The following NAXD variants were observed in gnomAD, a reference collection of about 807,000 sequenced individuals.
NAXD encodes the protein NAD(P)HX dehydratase.
A neutral mutation model predicts 35.8 loss-of-function variants in NAXD; 22 were observed. That is an observed-to-expected ratio of 0.62 (90% CI 0.44 to 0.88). The LOEUF is 0.88. Among genes scored for constraint, NAXD ranks in the 40% least tolerant of loss-of-function variants. The pLI, the probability that NAXD is intolerant of heterozygous loss-of-function variation, is 0.00. For missense variants in NAXD, 428 were observed against 437.7 expected (o/e 0.98, Z 0.20); for synonymous variants, 189 against 177.6 (o/e 1.06, Z -0.51).
chr13:110,622,492 C>T, intron 2 of NAXD, 126 bp downstream of exon 2: 1 of 914,484 alleles, frequency 1.1e-6, no homozygotes, highest in Non-Finnish European at 1.6e-6. Flanking sequence ...TGATAGGACA[C>T]TCAGTATTTT....
chr13:110,627,617 T>G, intron 5 of NAXD, 70 bp downstream of exon 5: 1 of 1,052,842 alleles, frequency 9.5e-7, no homozygotes, highest in Non-Finnish European at 1.5e-6. Flanking sequence ...AACAGAGGCA[T>G]TTCTCTTGCA....
rs758352247 is a variant in NAXD at position 110,638,596 on chromosome 13, G to A, written c.*68G>A. ...GAGCGTGTGTGTGATGGGAAAATCC[G>A]GACCCACGCGTGTGCTGAAGGCGTA... is the stretch of plus-strand genomic sequence containing the variant. On this transcript the variant is annotated 3_prime_UTR_variant, in exon 10 of 10. Transcript: ENST00000680254. This position sits in a 1 kb window ranked among gnomAD's most constrained non-coding sequence, Gnocchi z 5.4. 3.2e-4 allele frequency: 509 copies of A among 1,567,896 alleles called. 3 individuals carry two copies. The highest frequency in any genetic ancestry group is 1.4e-3 in the South Asian group (123 of 90,102).
At chr13:110,634,997 C>T (rs72661656) in intron 7 of NAXD, among the ~76,000 whole-genome samples, 21,964 of 151,804 alleles carry the variant, frequency 0.14, 1,869 homozygotes, top group Admixed American at 0.27. Context: ...GGTCAGTCAG[C>T]CCCTCCTGCA....
intron 8 of NAXD, among the ~76,000 whole-genome samples, chr13:110,636,400 TCA>T (rs1291104721): frequency 1.5e-4 from 23 of 152,204 alleles, no homozygotes; most frequent in African/African-American, 4.6e-4. Context: ...ACAGTTGTGC[TCA>T]CAGCCTCGCA....
intron 8 of NAXD, among the ~76,000 whole-genome samples, chr13:110,635,840 C>A (rs1594185352): frequency 1.3e-5 from 2 of 152,380 alleles, no homozygotes; most frequent in African/African-American, 4.8e-5. Flanking sequence ...GTTGAATTCC[C>A]TTGCCTCAGT....
At position 110,635,401 on chromosome 13, in the gene NAXD, A is replaced by AG. The variant is rs775689243; in HGVS notation, c.598-64dup. The AG allele has an allele frequency of 4.6e-5, 73 of 1,573,496 alleles. 1 individual carries two copies. In the South Asian group the frequency reaches 7.7e-4, roughly 17 times the overall value. ...GCATGAGTCTCATGGCGGATGGGAC[A>AG]GGGCTATCTGTCGTCGTGTGTCTGA... On this transcript the variant is annotated intron_variant, in intron 7 of 9. Transcript: ENST00000680254.
intron 5 of NAXD, among the ~76,000 whole-genome samples, chr13:110,632,891 G>A (rs1043920202): frequency 6.6e-6 from 1 of 151,756 alleles, no homozygotes; most frequent in Non-Finnish European, 1.5e-5. Flanking sequence ...GGTGCTGATT[G>A]GTGTGTTTAC....
intron 5 of NAXD, among the ~76,000 whole-genome samples, chr13:110,633,206 T>C (rs1415030313): frequency 9.9e-5 from 15 of 151,910 alleles, no homozygotes; most frequent in Admixed American, 5.2e-4. Flanking sequence ...GGTGAGAAAT[T>C]GAGCACAGTG....
In NAXD at chr13:110,628,925, T is replaced by TA. The variant is rs999878252; in HGVS notation, c.441+1384dup. ...GTTCACAATTTAAAAACTGGTATCT[T>TA]AAAAAACCACTGTACTGCGTGGAAG... On this transcript the variant is annotated intron_variant, in intron 5 of 9. Coordinates refer to ENST00000680254, the MANE Select transcript of NAXD (RefSeq NM_001242882.2). The surrounding 1 kb of genome is among the most constrained non-coding windows in gnomAD (Gnocchi z 4.1). 6.7e-6 allele frequency among the ~76,000 whole-genome samples: 1 copy of TA among 150,070 alleles called. No individual in the cohort carries two copies. The highest frequency in any genetic ancestry group is 1.5e-5 in the Non-Finnish European group (1 of 68,034).
chr13:110,624,709 G>A (rs904260943), intron 3 of NAXD, among the ~76,000 whole-genome samples: 18 of 152,344 alleles, frequency 1.2e-4, no homozygotes, highest in African/African-American at 3.4e-4. Context: ...TGATCCATGC[G>A]CCTCGGCCTC....
At chr13:110,615,984 C>T (rs1267350234) in intron 1 of NAXD, 1 of 409,586 alleles carries the variant, frequency 2.4e-6, no homozygotes, top group Non-Finnish European at 4.2e-6. Context: ...TGGCGCCGGG[C>T]CGGAGCCAGT....
At chr13:110,624,123 T>C (rs997772705) in intron 2 of NAXD, 111 bp from the exon 3 acceptor site, 4 of 669,724 alleles carry the variant, frequency 6.0e-6, no homozygotes, top group Non-Finnish European at 1.1e-5. Context: ...TATTTATTGA[T>C]AAACCATGTC....
At chr13:110,625,805 A>T (rs1015757251) in intron 4 of NAXD, among the ~76,000 whole-genome samples, 3 of 152,160 alleles carry the variant, frequency 2.0e-5, no homozygotes, top group African/African-American at 7.2e-5. Flanking sequence ...GAGGTGCGGG[A>T]GCAGAGCGTT....
At position 110,624,295 on chromosome 13, in the gene NAXD, ATTTCT is replaced by A. The variant is rs532505358; in HGVS notation, c.243+19_243+23del. On this transcript the variant is annotated intron_variant, in intron 3 of 9. Transcript: ENST00000680254. Reference sequence around the variant, plus strand: ...TCTCAAAGTGGTATGTTTACTTAAAATTTCTTTATTGGGATTTTTCTGGTAGAGAG... The same window carrying A: ...TCTCAAAGTGGTATGTTTACTTAAAATTATTGGGATTTTTCTGGTAGAGAG... 9.6e-3 allele frequency: 14,849 copies of A among 1,546,630 alleles called. 96 individuals are homozygous for A. Among genetic ancestry groups the A allele is most frequent in the Non-Finnish European group, 0.012 (13,437 of 1,120,730 alleles).
chr13:110,615,693 G>A, intron 1 of NAXD, 46 bp downstream of exon 1: 1 of 1,522,138 alleles, frequency 6.6e-7, no homozygotes, highest in East Asian at 2.8e-5. Context: ...ACGCGCGGGG[G>A]CCGGAACTGC....
At chr13:110,622,926 C>T (rs1368556857) in intron 2 of NAXD, among the ~76,000 whole-genome samples, 1 of 152,084 alleles carries the variant, frequency 6.6e-6, no homozygotes, top group Non-Finnish European at 1.5e-5. Context: ...TCTCTTTGCC[C>T]ATCCCTCCAT....
intron 6 of NAXD, 28 bp downstream of exon 6, chr13:110,634,623 G>A (rs1186745904): frequency 1.9e-6 from 3 of 1,614,104 alleles, no homozygotes; most frequent in South Asian, 1.1e-5. Context: ...CTCCTGGCTC[G>A]GACTCCCGGA....
intron 2 of NAXD, 136 bp from the exon 3 acceptor site, chr13:110,624,098 G>T: frequency 1.7e-6 from 1 of 590,572 alleles, no homozygotes; most frequent in Non-Finnish European, 3.0e-6. Flanking sequence ...TGTGCTGTGT[G>T]CTTCATGTCT....
At position 110,638,368 on chromosome 13, in the gene NAXD, C is replaced by G. The variant is rs374753087; in HGVS notation, c.840-10C>G. 12 of 1,613,692 alleles carry G rather than the reference C, an allele frequency of 7.4e-6. No individual in the cohort carries two copies. Among genetic ancestry groups the G allele is most frequent in the Non-Finnish European group, 1.0e-5 (12 of 1,179,946 alleles). On this transcript the variant is annotated splice_polypyrimidine_tract_variant and intron_variant, in intron 9 of 9. Transcript: ENST00000680254. The surrounding 1 kb of genome is among the most constrained non-coding windows in gnomAD (Gnocchi z 5.4). ...CTTCCCCACACCTCCTGCTGTCCCC[C>G]TCTCCGCAGGTCCAGCCCTCTCCTG...
Sources: gnomAD v4.1 joint callset for allele counts (sites outside exome capture counted in the v4.1 genomes callset) on GRCh38, gnomAD v4.1.1 for gene constraint, Gnocchi (gnomAD v3.1) non-coding constraint, MANE v1.5 for transcripts, NCBI Gene and HGNC (gene_info 2026-07-23, HGNC 2026-07-21) for gene names.